The following STAU2 variants were observed in gnomAD, a reference collection of about 807,000 sequenced individuals.
STAU2 encodes double-stranded RNA-binding protein Staufen homolog 2.
STAU2 carries 20 observed loss-of-function variants against 65.9 expected under a neutral mutation model. The observed-to-expected ratio is 0.30, with a 90% CI of 0.21 to 0.44. The LOEUF is 0.44. Ranked by LOEUF, STAU2 falls within the 20% of genes least tolerant of loss-of-function variation. The pLI is 1.00. For synonymous variants in STAU2, 232 were observed against 233.9 expected (o/e 0.99, Z 0.07); for missense variants, 558 against 683.9 (o/e 0.82, Z 2.05).
At chr8:73,575,113 C>T (rs1042325202) in intron 12 of STAU2, among the ~76,000 whole-genome samples, 1 of 111,374 alleles carries the variant, frequency 9.0e-6, no homozygotes, top group African/African-American at 3.5e-5. Context: ...CACAGATGCA[C>T]ACAGTCCTAC....
At chr8:73,559,029 AG>A (rs2128947873) in intron 12 of STAU2, among the ~76,000 whole-genome samples, 1 of 152,334 alleles carries the variant, frequency 6.6e-6, no homozygotes, top group South Asian at 2.1e-4. Context: ...TATGAACAAC[AG>A]CATGATTATC....
intron 13 of STAU2, among the ~76,000 whole-genome samples, chr8:73,436,168 C>G (rs1817663501): frequency 6.6e-6 from 1 of 151,788 alleles, no homozygotes. Context: ...TGTGGGAGGG[C>G]TGGGGAGAGG....
chr8:73,472,986 C>CCATATACAT (rs1389692655), intron 13 of STAU2, among the ~76,000 whole-genome samples: 2 of 152,090 alleles, frequency 1.3e-5, no homozygotes, highest in Non-Finnish European at 2.9e-5. Context: ...AGAAATGAAA[C>CCATATACAT]CATATACATT....
intron 11 of STAU2, chr8:73,590,611 A>C (rs576887866): frequency 6.6e-6 from 1 of 152,330 alleles, no homozygotes; most frequent in Non-Finnish European, 1.5e-5. Context: ...ATGGGCCTCA[A>C]CCAGGGCCCA....
intron 13 of STAU2, among the ~76,000 whole-genome samples, chr8:73,476,044 C>T (rs1820310516): frequency 6.6e-6 from 1 of 152,104 alleles, no homozygotes; most frequent in Non-Finnish European, 1.5e-5. Context: ...AATTAGCTAA[C>T]ACCAGTTTAG....
intron 10 of STAU2, among the ~76,000 whole-genome samples, chr8:73,596,307 C>T (rs996400241): frequency 1.3e-5 from 2 of 152,070 alleles, no homozygotes; most frequent in East Asian, 3.8e-4. Flanking sequence ...TAAACCACAG[C>T]ATTTAATCCA....
chr8:73,476,644 A>G (rs543125399), intron 13 of STAU2, among the ~76,000 whole-genome samples: 24 of 152,356 alleles, frequency 1.6e-4, no homozygotes, highest in African/African-American at 5.5e-4. Context: ...TTTAAAAACA[A>G]CCATTGATGA....
intron 4 of STAU2, among the ~76,000 whole-genome samples, chr8:73,699,859 T>TAAAAAA (rs1819959463): frequency 2.0e-5 from 1 of 50,262 alleles, no homozygotes; most frequent in African/African-American, 1.0e-4. Flanking sequence ...CAAACACACA[T>TAAAAAA]CAAAAAAAAA....
chr8:73,658,391 G>A (rs1401877243), intron 6 of STAU2, among the ~76,000 whole-genome samples: 1 of 151,800 alleles, frequency 6.6e-6, no homozygotes, highest in African/African-American at 2.4e-5. Flanking sequence ...AATTATCTTG[G>A]GAAGTTCACC....
At chr8:73,515,844 G>A (rs1362827765) in intron 13 of STAU2, among the ~76,000 whole-genome samples, 1 of 142,298 alleles carries the variant, frequency 7.0e-6, no homozygotes, top group Non-Finnish European at 1.5e-5. Context: ...AGCAGTGGTG[G>A]CTCACTGCAA....
chr8:73,667,520 T>C (rs903951347), intron 6 of STAU2, among the ~76,000 whole-genome samples: 4 of 152,216 alleles, frequency 2.6e-5, no homozygotes, highest in African/African-American at 9.6e-5. Context: ...CCTCCTCACC[T>C]GGCTAAATCC....
intron 12 of STAU2, among the ~76,000 whole-genome samples, chr8:73,556,004 A>G (rs1951805469): frequency 2.6e-5 from 4 of 152,252 alleles, no homozygotes; most frequent in African/African-American, 7.2e-5. Flanking sequence ...CATCAGCCAG[A>G]GGACATTACT....
chr8:73,652,740 C>T (rs1180613490), intron 6 of STAU2: 1 of 144,746 alleles, frequency 6.9e-6, no homozygotes, highest in East Asian at 2.0e-4. Context: ...AAAAAAAAAA[C>T]TGTTATTTCT....
At chr8:73,605,907 ACACACACACACG>A (rs1252127203) in intron 9 of STAU2, among the ~76,000 whole-genome samples, 1 of 146,606 alleles carries the variant, frequency 6.8e-6, no homozygotes, top group Non-Finnish European at 1.5e-5. Context: ...ACACACACAC[ACACACACACACG>A]GTCACATGAT....
intron 13 of STAU2, among the ~76,000 whole-genome samples, chr8:73,464,171 T>C (rs1819523025): frequency 6.6e-6 from 1 of 152,166 alleles, no homozygotes; most frequent in South Asian, 2.1e-4. Flanking sequence ...ATTTGTCTTT[T>C]TGCACACAGC....
chr8:73,654,119 C>T (rs1816112197), intron 6 of STAU2, among the ~76,000 whole-genome samples: 1 of 151,952 alleles, frequency 6.6e-6, no homozygotes, highest in South Asian at 2.1e-4. Context: ...TTATATTAAG[C>T]CTGTGACTCA....
intron 9 of STAU2, among the ~76,000 whole-genome samples, chr8:73,609,826 T>C (rs1250943436): frequency 6.6e-6 from 1 of 152,200 alleles, no homozygotes; most frequent in African/African-American, 2.4e-5. Context: ...GTTAAATAAG[T>C]AGGAATGTGT....
rs373067261 is a variant in STAU2, at chr8:73,423,062, A to G, written c.1531-360T>C. Among the ~76,000 whole-genome samples, 45 of 152,358 alleles carry G rather than the reference A, an allele frequency of 3.0e-4. No homozygotes were observed. In the South Asian group the frequency reaches 8.9e-3, roughly 30 times the overall value. Reference sequence around the variant, plus strand: ...TTCTCTTCTCTCAGGTGTGACATCCAAATTTTCCACCTTGAGTATTCTTTC... The same window carrying G: ...TTCTCTTCTCTCAGGTGTGACATCCGAATTTTCCACCTTGAGTATTCTTTC... On this transcript the variant is annotated intron_variant, in intron 13 of 14. Coordinates refer to ENST00000524300, the MANE Select transcript of STAU2 (RefSeq NM_001164380.2).
In STAU2 at chr8:73,595,231, C is replaced by T. The variant is rs1242615118; in HGVS notation, c.1096G>A (p.Ala366Thr). The change falls in exon 11 of 15, where the codon GCA (alanine) becomes ACA (threonine). Residue 366 changes from alanine (A) to threonine (T), a missense_variant. This residue lies in a region of STAU2 where 247 missense variants were observed against 270.1 expected (regional missense o/e 0.91). Coordinates refer to ENST00000524300, the MANE Select transcript of STAU2 (RefSeq NM_001164380.2). Reference sequence around the variant, plus strand: ...CCAAGTTGTAACAGCATTGCTTCTGCAGCATTTTTTTTGGCTATCTTTTTA... The same window carrying T: ...CCAAGTTGTAACAGCATTGCTTCTGTAGCATTTTTTTTGGCTATCTTTTTA... ...PNKKIAKKNA[A>T]EAMLLQLGYK... The T allele has an allele frequency of 6.2e-7, 1 of 1,611,908 alleles. No homozygotes were observed. The highest frequency in any genetic ancestry group is 1.7e-5 in the Admixed American group (1 of 59,532).
Sources: gnomAD v4.1 joint callset for allele counts (sites outside exome capture counted in the v4.1 genomes callset) on GRCh38, gnomAD v4.1.1 for gene constraint, gnomAD v4.1.1 regional missense constraint, MANE v1.5 for transcripts, NCBI Gene and HGNC (gene_info 2026-07-23, HGNC 2026-07-21) for gene names.